Variants in SLC44A1 observed in about 807,000 individuals in gnomAD.
SLC44A1 encodes choline transporter-like protein 1.
Under a neutral mutation model 79.3 loss-of-function variants are expected in SLC44A1, and 26 were observed. The ratio of observed to expected loss-of-function variants is 0.33; its 90% CI spans 0.24 to 0.46. The LOEUF is 0.46. Ranked by LOEUF, SLC44A1 falls within the 20% of genes least tolerant of loss-of-function variation. SLC44A1 has a pLI of 1.00. For missense variants in SLC44A1, 688 were observed against 798.1 expected (o/e 0.86, Z 1.66); for synonymous variants, 263 against 286.2 (o/e 0.92, Z 0.82).
chr9:105,302,839 G>T (rs959184692), intron 2 of SLC44A1, among the ~76,000 whole-genome samples: 2 of 152,148 alleles, frequency 1.3e-5, no homozygotes, highest in African/African-American at 4.8e-5. Context: ...GAAAGATGGC[G>T]CTGGCAGCTA....
chr9:105,264,724 G>A (rs1310051355), intron 1 of SLC44A1, among the ~76,000 whole-genome samples: 1 of 151,910 alleles, frequency 6.6e-6, no homozygotes, highest in Non-Finnish European at 1.5e-5. Context: ...CCTCCAAACT[G>A]GGCTGGATAC....
In SLC44A1 at chr9:105,245,700, G is replaced by C. The variant is rs58420567; in HGVS notation, c.36+796G>C. Among the ~76,000 whole-genome samples the C allele has an allele frequency of 5.5e-3, 842 of 152,302 alleles. 11 individuals carry two copies. The highest frequency in any genetic ancestry group is 0.019 in the African/African-American group (799 of 41,556). Reference sequence around the variant, plus strand: ...AAGAGGTTCCGAATTTAGTTTTTCTGTGGGCACTGGCTGAATGTTGTCGCT... The same window carrying C: ...AAGAGGTTCCGAATTTAGTTTTTCTCTGGGCACTGGCTGAATGTTGTCGCT... On this transcript the variant is annotated intron_variant, in intron 1 of 15. Transcript: ENST00000374720.
intron 7 of SLC44A1, among the ~76,000 whole-genome samples, chr9:105,358,816 C>T (rs773908039): frequency 6.6e-6 from 1 of 152,062 alleles, no homozygotes; most frequent in Non-Finnish European, 1.5e-5. Context: ...CTTTGCTACA[C>T]GAACTATGTT....
chr9:105,351,581 A>G (rs1466255299), intron 5 of SLC44A1, among the ~76,000 whole-genome samples: 122 of 130,274 alleles, frequency 9.4e-4, no homozygotes, highest in Middle Eastern at 7.7e-3. Context: ...AGAGAGAAAG[A>G]GAGAAAGAGA....
intron 15 of SLC44A1, among the ~76,000 whole-genome samples, chr9:105,424,635 T>C (rs1829296299): frequency 6.6e-6 from 1 of 152,166 alleles, no homozygotes; most frequent in South Asian, 2.1e-4. Flanking sequence ...ATAATTAGTA[T>C]TTTAAAAGAT....
chr9:105,437,509 G>A (rs541829615), intron 15 of SLC44A1, among the ~76,000 whole-genome samples: 14 of 151,638 alleles, frequency 9.2e-5, no homozygotes, highest in South Asian at 2.1e-4. Flanking sequence ...TATCTATTAG[G>A]TATATAGTAT....
chr9:105,248,668 G>A (rs1475526903), intron 1 of SLC44A1, among the ~76,000 whole-genome samples: 1 of 152,170 alleles, frequency 6.6e-6, no homozygotes, highest in Non-Finnish European at 1.5e-5. Flanking sequence ...TGAGGGGAAC[G>A]TAAAAGTAAG....
chr9:105,333,301 G>T (rs1215584587), intron 3 of SLC44A1, among the ~76,000 whole-genome samples: 1 of 152,000 alleles, frequency 6.6e-6, no homozygotes. Context: ...TCCCCAGATG[G>T]TTCTCAAGGC....
intron 3 of SLC44A1, among the ~76,000 whole-genome samples, chr9:105,311,815 CAG>C (rs1461679245): frequency 4.6e-5 from 7 of 152,140 alleles, no homozygotes; most frequent in Non-Finnish European, 1.0e-4. Context: ...AAAAAATGAA[CAG>C]ACTTTTTTTT....
intron 12 of SLC44A1, among the ~76,000 whole-genome samples, chr9:105,366,748 A>C (rs72744235): frequency 0.021 from 3,159 of 152,242 alleles, 31 homozygotes; most frequent in Middle Eastern, 0.027. Flanking sequence ...AAAAACATTT[A>C]TCTCTCATCC....
intron 4 of SLC44A1, among the ~76,000 whole-genome samples, chr9:105,344,583 G>A (rs1485310717): frequency 6.6e-6 from 1 of 152,100 alleles, no homozygotes; most frequent in African/African-American, 2.4e-5. Context: ...AAAAGCATCC[G>A]AACATTGTAT....
downstream of SLC44A1, among the ~76,000 whole-genome samples, chr9:105,398,476 C>T (rs147832753): frequency 3.6e-3 from 553 of 152,142 alleles, 5 homozygotes; most frequent in African/African-American, 0.013. Context: ...TGCAGATTTA[C>T]GTAATTTCTA....
At position 105,244,805 on chromosome 9, in the gene SLC44A1, T is replaced by A. The variant is rs1829384250; in HGVS notation, c.-64T>A. The A allele has an allele frequency of 1.9e-6, 2 of 1,046,344 alleles. No individual in the cohort carries two copies. The highest frequency in any genetic ancestry group is 1.7e-5 in the African/African-American group (1 of 58,126). 64.8% of individuals were successfully genotyped at this position (1,046,344 alleles called of 1,614,324 possible). On this transcript the variant is annotated 5_prime_UTR_variant, in exon 1 of 16. The change abolishes an upstream ATG in the 5' untranslated region. Coordinates refer to ENST00000374720, the MANE Select transcript of SLC44A1 (RefSeq NM_080546.5). ...CTCCCCGGGCGCCCGCCGGCTCGCATGCCGAGGGGCTCCGGGGCGTAGCTG... is the reference window on the plus strand; with the variant it reads ...CTCCCCGGGCGCCCGCCGGCTCGCAAGCCGAGGGGCTCCGGGGCGTAGCTG...
Position 105,244,696 on chromosome 9 carries a change from C to T in SLC44A1, c.-173C>T, listed in dbSNP as rs878928431. 4.9e-5 allele frequency: 15 copies of T among 303,078 alleles called. No homozygotes were observed. The South Asian group carries it at 2.0e-3, about 40-fold the overall frequency. 18.8% of individuals were successfully genotyped at this position (303,078 alleles called of 1,614,324 possible). A position where few individuals can be genotyped will look rare whatever the true frequency, so the allele number is the denominator to read the frequency against. On this transcript the variant is annotated 5_prime_UTR_variant, in exon 1 of 16. Coordinates refer to ENST00000374720, the MANE Select transcript of SLC44A1 (RefSeq NM_080546.5). ...CGCCGCCGGGGGATGTGGCCGGCGC[C>T]TGCCTCTAGCCGCGCCGCCTCTTGA...
At chr9:105,382,254 A>T (rs1017457285) in intron 13 of SLC44A1, among the ~76,000 whole-genome samples, 1 of 152,222 alleles carries the variant, frequency 6.6e-6, no homozygotes, top group African/African-American at 2.4e-5. Flanking sequence ...AATATTTGCC[A>T]TAAACCATTC....
At chr9:105,275,753 G>T (rs546352135) in intron 1 of SLC44A1, among the ~76,000 whole-genome samples, 30 of 151,466 alleles carry the variant, frequency 2.0e-4, no homozygotes, top group Non-Finnish European at 3.7e-4. Context: ...TTTGCCCCCT[G>T]TAGTTTCAGT....
chr9:105,363,023 T>G lies in SLC44A1; in HGVS notation c.1087+16T>G, dbSNP rs771542290. On this transcript the variant is annotated intron_variant, in intron 9 of 15. Transcript: ENST00000374720. ...GGCACTACCGGTAAGAAGATAAGCTTCTTTCTCTTAGTGACAAACGTGATT... is the reference window on the plus strand; with the variant it reads ...GGCACTACCGGTAAGAAGATAAGCTGCTTTCTCTTAGTGACAAACGTGATT... 6.4e-7 allele frequency: 1 copy of G among 1,569,034 alleles called. No homozygotes were observed. Among genetic ancestry groups the G allele is most frequent in the South Asian group, 1.2e-5 (1 of 85,678 alleles).
Position 105,266,623 on chromosome 9 carries a change from G to A in SLC44A1, c.36+21719G>A, listed in dbSNP as rs577595769. Among the ~76,000 whole-genome samples, 36 of 151,636 alleles carry A rather than the reference G, an allele frequency of 2.4e-4. No homozygotes were observed. The South Asian group carries it at 6.5e-3, about 27-fold the overall frequency. ...TCTCAAATATCAACCATATATGTGT[G>A]GATCTATTTCAGAACTTTCTGTTTG... On this transcript the variant is annotated intron_variant, in intron 1 of 15. Transcript: ENST00000374720.
intron 5 of SLC44A1, chr9:105,355,841 G>T: frequency 5.7e-6 from 1 of 174,210 alleles, no homozygotes; most frequent in Non-Finnish European, 1.2e-5. Context: ...GTATGTGTTT[G>T]TAAGCTTTGT....
Sources: gnomAD v4.1 joint callset for allele counts (sites outside exome capture counted in the v4.1 genomes callset) on GRCh38, gnomAD v4.1.1 for gene constraint, MANE v1.5 for transcripts, NCBI Gene and HGNC (gene_info 2026-07-23, HGNC 2026-07-21) for gene names.